The following CNTN4 variants were observed in gnomAD, a reference collection of about 807,000 sequenced individuals.
The protein encoded by CNTN4 is contactin 4, also known as contactin-4.
Under a neutral mutation model 122.5 loss-of-function variants are expected in CNTN4, and 77 were observed. That is an observed-to-expected ratio of 0.63 (90% CI 0.52 to 0.76). The LOEUF (loss-of-function observed/expected upper bound fraction) is 0.76, where lower values mean the gene tolerates loss of function less well. Ranked by LOEUF, CNTN4 falls within the 30% of genes least tolerant of loss-of-function variation. The probability of loss-of-function intolerance (pLI) is 0.00; values close to 1 mark genes in which losing one functional copy is unlikely to be tolerated. For synonymous variants in CNTN4, 512 were observed against 447.0 expected (o/e 1.15, Z -1.83); for missense variants, 1,256 against 1,259.1 (o/e 1.00, Z 0.04).
At chr3:2,520,742 A>G (rs995087673) in intron 3 of CNTN4, among the ~76,000 whole-genome samples, 20 of 152,030 alleles carry the variant, frequency 1.3e-4, no homozygotes, top group Non-Finnish European at 2.5e-4. Flanking sequence ...TAGACATTCT[A>G]TCTGATAAAG....
chr3:2,667,451 T>C (rs1461711272), intron 4 of CNTN4, among the ~76,000 whole-genome samples: 1 of 152,186 alleles, frequency 6.6e-6, no homozygotes, highest in Non-Finnish European at 1.5e-5. Flanking sequence ...TGACTTTTTC[T>C]TGCAAATTTG....
chr3:2,214,343 T>A (rs1449583498), intron 2 of CNTN4, among the ~76,000 whole-genome samples: 1 of 152,034 alleles, frequency 6.6e-6, no homozygotes, highest in Non-Finnish European at 1.5e-5. Context: ...ACCTGATGAG[T>A]AGATTATAGT....
intron 4 of CNTN4, among the ~76,000 whole-genome samples, chr3:2,604,925 A>T (rs1284917598): frequency 6.6e-6 from 1 of 152,198 alleles, no homozygotes; most frequent in Non-Finnish European, 1.5e-5. Flanking sequence ...AGTAAATAGT[A>T]CAGTATTGTT....
intron 3 of CNTN4, among the ~76,000 whole-genome samples, chr3:2,501,953 T>C (rs2076605804): frequency 1.3e-5 from 2 of 152,198 alleles, no homozygotes; most frequent in Non-Finnish European, 2.9e-5. Flanking sequence ...CAGAAAATTA[T>C]TTAAAATATT....
chr3:2,170,185 G>A (rs1485855221), intron 2 of CNTN4, among the ~76,000 whole-genome samples: 1 of 137,548 alleles, frequency 7.3e-6, no homozygotes, highest in African/African-American at 3.2e-5. Context: ...GCCGGGCGTG[G>A]TGGCGGCGCC....
chr3:2,329,127 G>A (rs2043601332), intron 2 of CNTN4, among the ~76,000 whole-genome samples: 1 of 151,948 alleles, frequency 6.6e-6, no homozygotes, highest in African/African-American at 2.4e-5. Flanking sequence ...ATATTTACAA[G>A]CGTAACATAA....
At chr3:2,916,738 G>C (rs182365391) in intron 12 of CNTN4, among the ~76,000 whole-genome samples, 2 of 141,080 alleles carry the variant, frequency 1.4e-5, no homozygotes, top group African/African-American at 3.0e-5. Context: ...ACGGGGTGGC[G>C]GCCGGGCAGA....
At chr3:2,946,698 TTTTTTC>T (rs1386204586) in intron 13 of CNTN4, among the ~76,000 whole-genome samples, 6 of 107,950 alleles carry the variant, frequency 5.6e-5, no homozygotes, top group Non-Finnish European at 1.2e-4. Context: ...GCTTGCTTTT[TTTTTTC>T]TTTTTTTTTT....
intron 2 of CNTN4, among the ~76,000 whole-genome samples, chr3:2,297,368 T>A (rs1447881186): frequency 6.6e-6 from 1 of 152,224 alleles, no homozygotes; most frequent in Non-Finnish European, 1.5e-5. Context: ...ATGTTAAACA[T>A]TCTGATGCTT....
intron 3 of CNTN4, among the ~76,000 whole-genome samples, chr3:2,488,316 C>T (rs2076221236): frequency 6.6e-6 from 1 of 152,278 alleles, no homozygotes; most frequent in South Asian, 2.1e-4. Context: ...CTAGCTGGAG[C>T]CATTGTCTGT....
At chr3:2,262,571 T>G (rs2040877202) in intron 2 of CNTN4, 1 of 152,082 alleles carries the variant, frequency 6.6e-6, no homozygotes, top group Admixed American at 6.6e-5. Context: ...GCCCAGTGGA[T>G]TTTTGAGGTT....
chr3:2,673,269 G>T (rs1042675197), intron 4 of CNTN4, among the ~76,000 whole-genome samples: 2 of 152,118 alleles, frequency 1.3e-5, no homozygotes, highest in South Asian at 2.1e-4. Context: ...CTTTTGGGTG[G>T]CTATGTACAG....
chr3:2,601,181 G>C (rs1474653036), intron 4 of CNTN4, among the ~76,000 whole-genome samples: 1 of 152,128 alleles, frequency 6.6e-6, no homozygotes, highest in Non-Finnish European at 1.5e-5. Flanking sequence ...AGTTTCTTTT[G>C]TTGTGCAGAA....
intron 4 of CNTN4, among the ~76,000 whole-genome samples, chr3:2,629,900 A>G (rs1290711154): frequency 2.6e-5 from 4 of 152,136 alleles, no homozygotes; most frequent in African/African-American, 7.2e-5. Flanking sequence ...CAGAAACTCA[A>G]TTTGAGGGTT....
intron 3 of CNTN4, among the ~76,000 whole-genome samples, chr3:2,427,590 G>A (rs1049979394): frequency 6.6e-5 from 10 of 152,082 alleles, no homozygotes; most frequent in African/African-American, 9.7e-5. Context: ...TATTAGGTCC[G>A]CTTGGTGCAG....
At chr3:2,263,621 T>C (rs951717278) in intron 2 of CNTN4, among the ~76,000 whole-genome samples, 5 of 152,278 alleles carry the variant, frequency 3.3e-5, no homozygotes, top group Admixed American at 6.5e-5. Context: ...TATTTTTTCT[T>C]TGTGTTGGGA....
chr3:2,456,169 T>C (rs2048991639), intron 3 of CNTN4, among the ~76,000 whole-genome samples: 1 of 152,020 alleles, frequency 6.6e-6, no homozygotes, highest in African/African-American at 2.4e-5. Context: ...CTGAATCTCA[T>C]GATCTTTTAC....
intron 2 of CNTN4, among the ~76,000 whole-genome samples, chr3:2,328,361 G>C (rs78199799): frequency 3.8e-4 from 57 of 148,958 alleles, no homozygotes; most frequent in Admixed American, 2.2e-3. Flanking sequence ...AGCCAAGATG[G>C]CGCCACCGCC....
chr3:2,556,025 T>C (rs2078706800), intron 3 of CNTN4, among the ~76,000 whole-genome samples: 1 of 152,180 alleles, frequency 6.6e-6, no homozygotes, highest in African/African-American at 2.4e-5. Flanking sequence ...AGCTACGTAA[T>C]GTTTTTTTCC....
Sources: gnomAD v4.1 joint callset for allele counts (sites outside exome capture counted in the v4.1 genomes callset) on GRCh38, gnomAD v4.1.1 for gene constraint, MANE v1.5 for transcripts, NCBI Gene and HGNC (gene_info 2026-07-23, HGNC 2026-07-21) for gene names.